The following SMYD3 variants were observed in gnomAD, a reference collection of about 807,000 sequenced individuals.
SMYD3 encodes the protein SET and MYND domain containing 3.
SMYD3 carries 36 observed loss-of-function variants against 57.7 expected under a neutral mutation model. The ratio of observed to expected loss-of-function variants is 0.62; its 90% CI spans 0.48 to 0.82. The LOEUF is 0.82. Ranked by LOEUF, SMYD3 falls within the 40% of genes least tolerant of loss-of-function variation. The pLI is 0.00. For synonymous variants in SMYD3, 211 were observed against 195.0 expected, an observed-to-expected ratio of 1.08 and a Z score of -0.68; for missense variants, 515 against 538.8, an observed-to-expected ratio of 0.96 and a Z score of 0.44.
intron 1 of SMYD3, among the ~76,000 whole-genome samples, chr1:246,486,235 A>C (rs939297680): frequency 6.6e-6 from 1 of 152,194 alleles, no homozygotes; most frequent in Admixed American, 6.5e-5. Flanking sequence ...AGGTTCATGA[A>C]ATTAGTAAAC....
At chr1:245,773,978 A>C (rs373215079) in intron 10 of SMYD3, among the ~76,000 whole-genome samples, 13 of 152,324 alleles carry the variant, frequency 8.5e-5, no homozygotes, top group African/African-American at 3.1e-4. Flanking sequence ...CAAGTTTATA[A>C]AAGTTGGTTT....
intron 8 of SMYD3, among the ~76,000 whole-genome samples, chr1:245,906,253 G>C (rs911324260): frequency 1.3e-5 from 2 of 152,024 alleles, no homozygotes; most frequent in African/African-American, 2.4e-5. Flanking sequence ...ATCTGACAAG[G>C]GGTTAATCAC....
At chr1:246,116,818 G>A (rs1452994786) in intron 5 of SMYD3, among the ~76,000 whole-genome samples, 1 of 152,110 alleles carries the variant, frequency 6.6e-6, no homozygotes, top group South Asian at 2.1e-4. Context: ...CAATCAGTCA[G>A]CTTAAACCTT....
chr1:245,901,241 G>T (rs1303781138), intron 8 of SMYD3, among the ~76,000 whole-genome samples: 2 of 152,078 alleles, frequency 1.3e-5, no homozygotes, highest in Non-Finnish European at 2.9e-5. Context: ...GGTAAGTCCT[G>T]GGATAAGTCT....
chr1:246,422,290 TA>T (rs2067155120), intron 1 of SMYD3, among the ~76,000 whole-genome samples: 1 of 152,204 alleles, frequency 6.6e-6, no homozygotes, highest in African/African-American at 2.4e-5. Flanking sequence ...AATAAATAGA[TA>T]AATATATATA....
chr1:245,775,575 G>A (rs559933812), intron 10 of SMYD3, among the ~76,000 whole-genome samples: 10 of 151,378 alleles, frequency 6.6e-5, no homozygotes, highest in Non-Finnish European at 1.5e-4. Context: ...CAAACACTGC[G>A]GAAGGCCGCA....
At chr1:245,997,464 A>G (rs1377229120) in intron 5 of SMYD3, among the ~76,000 whole-genome samples, 2 of 152,248 alleles carry the variant, frequency 1.3e-5, no homozygotes, top group African/African-American at 4.8e-5. Flanking sequence ...ATTATTAAGA[A>G]AAACTATTTT....
chr1:246,153,562 G>A (rs762538318), intron 5 of SMYD3, among the ~76,000 whole-genome samples: 1 of 152,120 alleles, frequency 6.6e-6, no homozygotes, highest in Non-Finnish European at 1.5e-5. Context: ...TGAACTCCTG[G>A]GTTCAACAAA....
intron 10 of SMYD3, among the ~76,000 whole-genome samples, chr1:245,796,274 A>C (rs1422004480): frequency 6.6e-6 from 1 of 152,248 alleles, no homozygotes; most frequent in Non-Finnish European, 1.5e-5. Flanking sequence ...CAAAAATAAA[A>C]TATAATAAAA....
intron 5 of SMYD3, among the ~76,000 whole-genome samples, chr1:246,303,443 C>A (rs996380763): frequency 2.0e-5 from 3 of 152,192 alleles, no homozygotes; most frequent in Non-Finnish European, 2.9e-5. Flanking sequence ...ATACTATGTG[C>A]ATATAGCCTG....
chr1:246,367,323 C>G (rs1384843925), intron 1 of SMYD3, among the ~76,000 whole-genome samples: 2 of 152,098 alleles, frequency 1.3e-5, no homozygotes, highest in Non-Finnish European at 2.9e-5. Context: ...AGTTTTCTTC[C>G]AACTCCAAAA....
intron 5 of SMYD3, among the ~76,000 whole-genome samples, chr1:245,996,317 C>T (rs968501539): frequency 6.6e-6 from 1 of 152,162 alleles, no homozygotes; most frequent in African/African-American, 2.4e-5. Flanking sequence ...CATAACTTCC[C>T]TAGACTCTTG....
intron 5 of SMYD3, among the ~76,000 whole-genome samples, chr1:245,969,298 C>A (rs946817992): frequency 1.3e-5 from 2 of 152,180 alleles, no homozygotes; most frequent in Non-Finnish European, 2.9e-5. Context: ...AGACCATCAG[C>A]AACAATACAA....
Position 246,436,952 on chromosome 1 carries a change from T to G in SMYD3, c.164+70102A>C, listed in dbSNP as rs533622338. ...GTTTTCACTCTCGCCCAGACTGAAG[T>G]GCAGTGACACAATCTCGGCTCACTG... On this transcript the variant is annotated intron_variant, in intron 1 of 11. Transcript: ENST00000490107. 2.6e-3 allele frequency among the ~76,000 whole-genome samples: 389 copies of G among 147,802 alleles called. 2 individuals are homozygous for G. Among genetic ancestry groups the G allele is most frequent in the Middle Eastern group, 3.6e-3 (1 of 278 alleles).
At chr1:245,751,864 G>A (rs2045394474) in intron 11 of SMYD3, among the ~76,000 whole-genome samples, 2 of 152,214 alleles carry the variant, frequency 1.3e-5, no homozygotes, top group African/African-American at 4.8e-5. Flanking sequence ...CCCTAGGCAG[G>A]GGGCTGTCCG....
intron 5 of SMYD3, among the ~76,000 whole-genome samples, chr1:246,241,036 A>G (rs2063599108): frequency 6.6e-6 from 1 of 152,024 alleles, no homozygotes; most frequent in Non-Finnish European, 1.5e-5. Flanking sequence ...GTCATCTGCT[A>G]ACAGGGACAA....
At chr1:246,142,850 TG>T (rs2061779858) in intron 5 of SMYD3, among the ~76,000 whole-genome samples, 1 of 152,190 alleles carries the variant, frequency 6.6e-6, no homozygotes, top group African/African-American at 2.4e-5. Context: ...CAGAACATCA[TG>T]AAGCATGTTT....
At chr1:246,420,286 G>A (rs1487252165) in intron 1 of SMYD3, among the ~76,000 whole-genome samples, 3 of 151,928 alleles carry the variant, frequency 2.0e-5, no homozygotes, top group Non-Finnish European at 4.4e-5. Context: ...AGAAGATGAA[G>A]TTGAACTGAA....
intron 10 of SMYD3, among the ~76,000 whole-genome samples, chr1:245,764,627 G>C (rs982586109): frequency 8.6e-5 from 13 of 151,372 alleles, no homozygotes; most frequent in African/African-American, 3.2e-4. Context: ...TAACCGCAAA[G>C]CCCTTTGATT....
Sources: gnomAD v4.1 joint callset for allele counts (sites outside exome capture counted in the v4.1 genomes callset) on GRCh38, gnomAD v4.1.1 for gene constraint, MANE v1.5 for transcripts, NCBI Gene and HGNC (gene_info 2026-07-23, HGNC 2026-07-21) for gene names.